Variants in FUT8 observed in about 807,000 individuals in gnomAD.
FUT8 encodes alpha-(1,6)-fucosyltransferase.
In FUT8, 29 loss-of-function variants were observed where a neutral mutation model predicts 71.3. The observed-to-expected ratio is 0.41, with a 90% CI of 0.30 to 0.55. The LOEUF is 0.55. FUT8 is among the 20% of genes least tolerant of loss of function. The probability of loss-of-function intolerance (pLI) is 0.34; values close to 1 mark genes in which losing one functional copy is unlikely to be tolerated. For synonymous variants in FUT8, 254 were observed against 239.3 expected, an observed-to-expected ratio of 1.06 and a Z score of -0.57; for missense variants, 544 against 702.1, an observed-to-expected ratio of 0.77 and a Z score of 2.55.
intron 3 of FUT8, among the ~76,000 whole-genome samples, chr14:65,583,034 T>C (rs1048016290): frequency 5.3e-5 from 8 of 152,182 alleles, no homozygotes; most frequent in African/African-American, 1.9e-4. Context: ...TCATAAACAT[T>C]TTCTTCTGTA....
chr14:65,497,616 T>C (rs1220538095), intron 2 of FUT8, among the ~76,000 whole-genome samples: 3 of 152,124 alleles, frequency 2.0e-5, no homozygotes, highest in Non-Finnish European at 4.4e-5. Context: ...TCCATTTAAA[T>C]GTTTACATAT....
intron 3 of FUT8, among the ~76,000 whole-genome samples, chr14:65,587,668 A>G (rs185122429): frequency 5.9e-5 from 9 of 152,358 alleles, no homozygotes; most frequent in Non-Finnish European, 2.9e-5. Context: ...CACTGAATCT[A>G]AAAGTCCACT....
chr14:65,724,096 A>G, intron 8 of FUT8, 51 bp from the exon 9 acceptor site: 1 of 1,378,974 alleles, frequency 7.3e-7, no homozygotes, highest in Non-Finnish European at 9.6e-7. Context: ...GAGTACCCTC[A>G]AAGCACCCAG....
Position 65,467,054 on chromosome 14 carries a change from AT to A in FUT8, c.-228+11343del, listed in dbSNP as rs1342688632. ...AAACAAAAGATTTAGTTTTACCTTTATTTTTTTCCTCTACACTCTTCCTTTC... is the reference window on the plus strand; with the variant it reads ...AAACAAAAGATTTAGTTTTACCTTTATTTTTTCCTCTACACTCTTCCTTTC... On this transcript the variant is annotated intron_variant, in intron 2 of 10. Transcript: ENST00000673929. This position sits in a 1 kb window ranked among gnomAD's most constrained non-coding sequence, Gnocchi z 4.1. 6.6e-6 allele frequency among the ~76,000 whole-genome samples: 1 copy of A among 151,880 alleles called. No homozygotes were observed. The highest frequency in any genetic ancestry group is 1.5e-5 in the Non-Finnish European group (1 of 67,968).
upstream of FUT8, among the ~76,000 whole-genome samples, chr14:65,408,402 G>C (rs1043061790): frequency 6.6e-6 from 1 of 152,136 alleles, no homozygotes; most frequent in African/African-American, 2.4e-5. Context: ...AAGGGGAGGA[G>C]GGTATCTGGG....
intron 7 of FUT8, among the ~76,000 whole-genome samples, chr14:65,689,569 C>T (rs1367413415): frequency 1.3e-5 from 2 of 152,010 alleles, no homozygotes; most frequent in Non-Finnish European, 2.9e-5. Flanking sequence ...TACAGAGTCT[C>T]GCTCTGTCGC....
chr14:65,633,654 C>A (rs1439531339), intron 6 of FUT8, among the ~76,000 whole-genome samples: 3 of 148,116 alleles, frequency 2.0e-5, no homozygotes, highest in Non-Finnish European at 4.5e-5. Context: ...ATGTGAGGAG[C>A]GCCTCTGCCC....
At chr14:65,634,089 C>G (rs1402769501) in intron 6 of FUT8, among the ~76,000 whole-genome samples, 12 of 152,266 alleles carry the variant, frequency 7.9e-5, no homozygotes, top group Non-Finnish European at 1.3e-4. Context: ...GAGAACGGGC[C>G]ATGATGACAA....
At chr14:65,624,197 A>G (rs1293590923) in intron 5 of FUT8, among the ~76,000 whole-genome samples, 1 of 152,206 alleles carries the variant, frequency 6.6e-6, no homozygotes, top group Admixed American at 6.5e-5. Flanking sequence ...AAAAGATTTT[A>G]AAAACAAGCT....
chr14:65,439,872 T>C (rs900504862), intron 1 of FUT8, among the ~76,000 whole-genome samples: 6 of 149,604 alleles, frequency 4.0e-5, no homozygotes, highest in Admixed American at 3.3e-4. Flanking sequence ...TGTTAAAGCA[T>C]TATTTGCCAT....
At chr14:65,545,891 T>C (rs1026068554) in intron 2 of FUT8, among the ~76,000 whole-genome samples, 1 of 151,858 alleles carries the variant, frequency 6.6e-6, no homozygotes, top group Non-Finnish European at 1.5e-5. Flanking sequence ...TTATTACATC[T>C]ATATAATAAA....
Position 65,669,903 on chromosome 14 carries a change from A to G in FUT8, c.835+423A>G, listed in dbSNP as rs919771775. 6.6e-6 allele frequency among the ~76,000 whole-genome samples: 1 copy of G among 152,174 alleles called. No homozygotes were observed. On this transcript the variant is annotated intron_variant, in intron 7 of 10. Coordinates refer to ENST00000673929, the MANE Select transcript of FUT8 (RefSeq NM_001371533.1). The surrounding 1 kb of genome is among the most constrained non-coding windows in gnomAD (Gnocchi z 4.5). The stretch of plus-strand genomic sequence containing the variant: ...CATCTGGAAGGTTTCATAAAACTCC[A>G]TTTTCTGTTAAGGAAGGTCTAGGCT...
intron 3 of FUT8, among the ~76,000 whole-genome samples, chr14:65,567,978 T>C (rs981402845): frequency 6.6e-6 from 1 of 151,886 alleles, no homozygotes; most frequent in African/African-American, 2.4e-5. Context: ...TCATTTTCTT[T>C]TAAATATTAT....
At chr14:65,364,352 C>T in the FUT8 span, among the ~76,000 whole-genome samples, 10 of 151,986 alleles carry the variant, frequency 6.6e-5, no homozygotes, top group Admixed American at 3.9e-4. Flanking sequence ...TACAGGCACC[C>T]GCCACCATGC....
At chr14:65,409,720 G>A (rs903908516), upstream of FUT8, among the ~76,000 whole-genome samples, 1 of 152,156 alleles carries the variant, frequency 6.6e-6, no homozygotes, top group Admixed American at 6.5e-5. The surrounding 1 kb of genome is among the most constrained non-coding windows in gnomAD (Gnocchi z 5.4). Context: ...CGGGACACCC[G>A]AGTCCCCATA....
intron 2 of FUT8, chr14:65,457,990 G>A (rs1468236196): frequency 1.3e-5 from 2 of 151,980 alleles, no homozygotes; most frequent in South Asian, 4.2e-4. Context: ...AGACCATCCC[G>A]GCTAAAACGG....
intron 6 of FUT8, among the ~76,000 whole-genome samples, chr14:65,639,739 C>T (rs1890740213): frequency 6.6e-6 from 1 of 152,086 alleles, no homozygotes; most frequent in Admixed American, 6.5e-5. Flanking sequence ...GTCCTCATCA[C>T]CCAGCTTTAT....
chr14:65,573,128 G>A (rs1886576109), intron 3 of FUT8, among the ~76,000 whole-genome samples: 1 of 152,122 alleles, frequency 6.6e-6, no homozygotes, highest in African/African-American at 2.4e-5. Context: ...GGGAGGGATA[G>A]AGCTGTAGAA....
At chr14:65,611,075 G>T (rs547912866) in intron 3 of FUT8, among the ~76,000 whole-genome samples, 106 of 151,512 alleles carry the variant, frequency 7.0e-4, no homozygotes, top group African/African-American at 2.3e-3. Context: ...TACAATAGGG[G>T]TTGGCAAACT....
Sources: gnomAD v4.1 joint callset for allele counts (sites outside exome capture counted in the v4.1 genomes callset) on GRCh38, gnomAD v4.1.1 for gene constraint, Gnocchi (gnomAD v3.1) non-coding constraint, MANE v1.5 for transcripts, NCBI Gene and HGNC (gene_info 2026-07-23, HGNC 2026-07-21) for gene names.